The following USP18 variants were observed in gnomAD, a reference collection of about 807,000 sequenced individuals.
The protein encoded by USP18 is ubiquitin specific peptidase 18, also known as ubl carboxyl-terminal hydrolase 18.
Under a neutral mutation model 48.7 loss-of-function variants are expected in USP18, and 11 were observed. The ratio of observed to expected loss-of-function variants is 0.23; its 90% CI spans 0.14 to 0.37. The LOEUF (loss-of-function observed/expected upper bound fraction) is 0.37, where lower values mean the gene tolerates loss of function less well. Ranked by LOEUF, USP18 falls within the 10% of genes least tolerant of loss-of-function variation. The pLI is 1.00. For missense variants in USP18, 285 were observed against 436.4 expected, an observed-to-expected ratio of 0.65 and a Z score of 3.09; for synonymous variants, 114 against 163.2, an observed-to-expected ratio of 0.70 and a Z score of 2.30.
intron 8 of USP18, among the ~76,000 whole-genome samples, chr22:18,171,982 C>A (rs571965324): frequency 1.3e-5 from 2 of 151,902 alleles, no homozygotes; most frequent in South Asian, 2.1e-4. Flanking sequence ...TTAAAAAAGA[C>A]TTTTTTGACT....
chr22:18,165,818 A>G (rs994771416), intron 4 of USP18, among the ~76,000 whole-genome samples: 4 of 149,154 alleles, frequency 2.7e-5, no homozygotes, highest in Non-Finnish European at 6.0e-5. Flanking sequence ...CCACTCGGCC[A>G]CTTTTCTGCC....
At chr22:18,164,335 T>C (rs967241141) in intron 4 of USP18, among the ~76,000 whole-genome samples, 8 of 151,702 alleles carry the variant, frequency 5.3e-5, no homozygotes, top group African/African-American at 1.9e-4. Flanking sequence ...GCACTGGGCC[T>C]GGGGGGATGT....
At position 18,160,253 on chromosome 22, in the gene USP18, C is replaced by T. The variant is rs200425361; in HGVS notation, c.239C>T (p.Thr80Ile). 4.9e-5 allele frequency: 79 copies of T among 1,614,098 alleles called. No homozygotes were observed. The Middle Eastern group carries it at 2.5e-3, about 51-fold the overall frequency. The change falls in exon 3 of 11, where the codon ACC becomes ATC. Residue 80 changes from threonine (T) to isoleucine (I), a missense_variant. Physicochemically the swap from Thr to Ile is moderately conservative, Grantham distance 89. Around this residue, in one of 5 missense-constraint regions of USP18, gnomAD observed 199 missense variants for 239.6 expected, o/e 0.83. Transcript: ENST00000215794. ...IQVFVMNVDFTRILKRITVPR... is the reference protein window; with the variant it reads ...IQVFVMNVDFIRILKRITVPR... ...GTGTTCGTAATGAATGTGGACTTCA[C>T]CAGGATATTGAAGAGGTAAGACTGT...
intron 2 of USP18, 24 bp downstream of exon 2, chr22:18,157,844 CTCT>C (rs1368190903): frequency 1.9e-6 from 3 of 1,612,964 alleles, no homozygotes; most frequent in African/African-American, 2.7e-5. Flanking sequence ...TCCCGTTTTC[CTCT>C]TCTTGACTGC....
rs952704819 is a variant in USP18 at position 18,162,438 on chromosome 22, C to T, written c.400+503C>T. Among the ~76,000 whole-genome samples, 3 of 150,540 alleles carry T rather than the reference C, an allele frequency of 2.0e-5. No homozygotes were observed. In the Admixed American group the frequency reaches 2.0e-4, roughly 10 times the overall value. ...ATCTAATTTCATAACATTTTCATCA[C>T]CCCCAGAAGAAATCCTACACTTACG... is the stretch of plus-strand genomic sequence containing the variant. On this transcript the variant is annotated intron_variant, in intron 4 of 10. Coordinates refer to ENST00000215794, the MANE Select transcript of USP18 (RefSeq NM_017414.4).
intron 10 of USP18, among the ~76,000 whole-genome samples, chr22:18,174,759 A>G (rs1168646303): frequency 6.6e-6 from 1 of 151,892 alleles, no homozygotes; most frequent in Non-Finnish European, 1.5e-5. Context: ...CATGCTTGGC[A>G]TATTTTAAAA....
At chr22:18,162,066 T>C (rs1203111326) in intron 4 of USP18, 131 bp downstream of exon 4, 2 of 1,170,528 alleles carry the variant, frequency 1.7e-6, no homozygotes, top group Non-Finnish European at 2.3e-6. Context: ...CCTCAGATTA[T>C]AGAGACATTT....
chr22:18,152,665 T>G (rs1929029792), intron 1 of USP18, among the ~76,000 whole-genome samples: 1 of 152,080 alleles, frequency 6.6e-6, no homozygotes, highest in African/African-American at 2.4e-5. Context: ...TTATTGCCCC[T>G]GCTAACTTCA....
intron 4 of USP18, among the ~76,000 whole-genome samples, chr22:18,163,343 A>G (rs1929378432): frequency 6.6e-6 from 1 of 152,068 alleles, no homozygotes; most frequent in African/African-American, 2.4e-5. Flanking sequence ...TACTTTAGTT[A>G]AGAAAAATAC....
At chr22:18,154,751 A>G (rs145333840) in intron 1 of USP18, among the ~76,000 whole-genome samples, 223 of 152,176 alleles carry the variant, frequency 1.5e-3, no homozygotes, top group African/African-American at 4.7e-3. Context: ...TCATCTCTAT[A>G]TCTTTAGGGT....
At chr22:18,172,294 C>T (rs1929650902) in intron 8 of USP18, among the ~76,000 whole-genome samples, 1 of 152,198 alleles carries the variant, frequency 6.6e-6, no homozygotes, top group African/African-American at 2.4e-5. Flanking sequence ...TCCCAGACAT[C>T]ATACTATTTC....
chr22:18,165,882 C>T lies in USP18; in HGVS notation c.401-1373C>T, dbSNP rs546882045. Among the ~76,000 whole-genome samples the T allele has an allele frequency of 4.6e-4, 70 of 151,268 alleles. No individual in the cohort carries two copies. The East Asian group carries it at 0.011, about 25-fold the overall frequency. ...ACTTGATAACTGCCCGGTAGAAAACCGCCATTGCTCACTCCCCCCACCCCC... is the reference window on the plus strand; with the variant it reads ...ACTTGATAACTGCCCGGTAGAAAACTGCCATTGCTCACTCCCCCCACCCCC... On this transcript the variant is annotated intron_variant, in intron 4 of 10. Coordinates refer to ENST00000215794, the MANE Select transcript of USP18 (RefSeq NM_017414.4).
At chr22:18,151,399 G>C (rs1278566567) in intron 1 of USP18, among the ~76,000 whole-genome samples, 4 of 152,174 alleles carry the variant, frequency 2.6e-5, no homozygotes, top group Non-Finnish European at 5.9e-5. Context: ...CATTTCATCT[G>C]AAGTTTCTTT....
chr22:18,169,717 A>G lies in USP18; in HGVS notation c.628-127A>G, dbSNP rs569625112. The G allele has an allele frequency of 5.2e-4, 623 of 1,188,136 alleles. 2 individuals carry two copies. In the African/African-American group the frequency reaches 8.5e-3, roughly 16 times the overall value. The allele number at this position is 1,188,136 out of a possible 1,614,324, so 73.6% of individuals were successfully genotyped here. On this transcript the variant is annotated intron_variant, in intron 6 of 10. Coordinates refer to ENST00000215794, the MANE Select transcript of USP18 (RefSeq NM_017414.4). ...TGGCCTGCAGAACCATGGGCCAATC[A>G]AACTTCTTTTCTTATAAATTACCCA...
Position 18,152,131 on chromosome 22 carries a change from A to G in USP18, c.-107+1909A>G, listed in dbSNP as rs191643811. 2.2e-3 allele frequency among the ~76,000 whole-genome samples: 332 copies of G among 152,374 alleles called. 1 individual carries two copies. The highest frequency in any genetic ancestry group is 6.8e-3 in the Middle Eastern group (2 of 294). On this transcript the variant is annotated intron_variant, in intron 1 of 10. Coordinates refer to ENST00000215794, the MANE Select transcript of USP18 (RefSeq NM_017414.4). ...CACGTCATCGAGACTGCGGTCTACA[A>G]TTGTGGTTGCCATGATGGGGTGGGT...
At chr22:18,154,766 C>T (rs5993019) in intron 1 of USP18, among the ~76,000 whole-genome samples, 6,182 of 152,210 alleles carry the variant, frequency 0.041, 167 homozygotes, top group African/African-American at 0.074. Context: ...TAGGGTTAGT[C>T]ACTGGCACCT....
Position 18,167,237 on chromosome 22 carries a change from C to T in USP18, c.401-18C>T. The T allele has an allele frequency of 1.2e-6, 2 of 1,613,082 alleles. No individual in the cohort carries two copies. The highest frequency in any genetic ancestry group is 1.7e-6 in the Non-Finnish European group (2 of 1,179,424). ...CTGAAGACCTCACTAATTGGCTGTT[C>T]CTTTTCTCTGTGGCCAGTGTTTGTC... On this transcript the variant is annotated intron_variant, in intron 4 of 10. Transcript: ENST00000215794.
rs1929495562 is a variant in USP18, at chr22:18,167,112, C to T, written c.401-143C>T. ...ACTGTTCATTTATTGATCACTTCTTCTGTCGTGCCAACTTAGCCTTGCAGT... is the reference window on the plus strand; with the variant it reads ...ACTGTTCATTTATTGATCACTTCTTTTGTCGTGCCAACTTAGCCTTGCAGT... On this transcript the variant is annotated intron_variant, in intron 4 of 10. Coordinates refer to ENST00000215794, the MANE Select transcript of USP18 (RefSeq NM_017414.4). 4.5e-6 allele frequency: 4 copies of T among 889,412 alleles called. No individual in the cohort carries two copies. The East Asian group carries it at 7.6e-5, about 17-fold the overall frequency. 55.1% of individuals were successfully genotyped at this position (889,412 alleles called of 1,614,324 possible). A position where few individuals can be genotyped will look rare whatever the true frequency, so the allele number is the denominator to read the frequency against.
At chr22:18,151,837 A>T (rs1929006793) in intron 1 of USP18, among the ~76,000 whole-genome samples, 1 of 152,192 alleles carries the variant, frequency 6.6e-6, no homozygotes, top group Non-Finnish European at 1.5e-5. Context: ...CAGGTGGATC[A>T]CGAGGTCAGG....
Sources: allele counts gnomAD v4.1 joint callset (sites outside exome capture counted in the v4.1 genomes callset), GRCh38; gene constraint gnomAD v4.1.1; regional missense constraint gnomAD v4.1.1; transcripts MANE v1.5; gene names NCBI Gene and HGNC (gene_info 2026-07-23, HGNC 2026-07-21).